The following HS1BP3 variants were observed in gnomAD, a reference collection of about 807,000 sequenced individuals.
HS1BP3 encodes the protein HCLS1 binding protein 3, also known as HCLS1-binding protein 3.
In HS1BP3, 32 loss-of-function variants were observed where a neutral mutation model predicts 33.5. That is an observed-to-expected ratio of 0.95 (90% confidence interval 0.72 to 1.28). The LOEUF (loss-of-function observed/expected upper bound fraction) is 1.28. HS1BP3 is among the 50% of genes most tolerant of loss of function. The pLI is 0.00. For missense variants in HS1BP3, 486 were observed against 502.3 expected (o/e 0.97, Z 0.31); for synonymous variants, 187 against 209.2 (o/e 0.89, Z 0.92).
chr2:20,596,448 G>C (rs1392886797), intron 3 of HS1BP3, among the ~76,000 whole-genome samples: 1 of 152,182 alleles, frequency 6.6e-6, no homozygotes, highest in African/African-American at 2.4e-5. Context: ...TTATAAAAGA[G>C]GCTCCAGGGA....
chr2:20,616,235 C>T (rs1290725370), downstream of HS1BP3, among the ~76,000 whole-genome samples: 2 of 152,210 alleles, frequency 1.3e-5, no homozygotes, highest in Non-Finnish European at 2.9e-5. Flanking sequence ...GACTCCAGCT[C>T]AATCTTAGCT....
intron 5 of HS1BP3, among the ~76,000 whole-genome samples, chr2:20,575,533 T>C (rs1309554317): frequency 6.6e-6 from 1 of 152,244 alleles, no homozygotes; most frequent in African/African-American, 2.4e-5. Flanking sequence ...CCACATATTT[T>C]AGACTCCCAA....
chr2:20,610,122 C>T (rs1026609097), intron 2 of HS1BP3, among the ~76,000 whole-genome samples: 26 of 152,144 alleles, frequency 1.7e-4, no homozygotes, highest in African/African-American at 4.8e-5. Context: ...CCCCACATGC[C>T]TCCTGCCCCC....
In HS1BP3 at chr2:20,566,538, G is replaced by A. The variant is rs538552737; in HGVS notation, c.303-6023C>T. ...CACCTGCACTCTGGCTCTAGCTCTA[G>A]GCACTTCTCTCTTGGCTGCAGTGAC... On this transcript the variant is annotated intron_variant, in intron 5 of 5. Coordinates refer to the HS1BP3 transcript ENST00000446825. 5.9e-5 allele frequency among the ~76,000 whole-genome samples: 9 copies of A among 152,260 alleles called. No homozygotes were observed. The South Asian group carries it at 1.9e-3, about 32-fold the overall frequency.
chr2:20,563,390 G>A (rs570552317), intron 5 of HS1BP3, among the ~76,000 whole-genome samples: 17 of 152,348 alleles, frequency 1.1e-4, no homozygotes, highest in Admixed American at 2.6e-4. Flanking sequence ...AACAGGGGTG[G>A]GGAGGAGGGA....
Position 20,606,661 on chromosome 2 carries a change from G to T in HS1BP3, c.179-8396C>A, listed in dbSNP as rs1008188016. 1.4e-5 allele frequency: 6 copies of T among 427,642 alleles called. No homozygotes were observed. The Admixed American group carries it at 1.6e-4, about 11-fold the overall frequency. The allele number at this position is 427,642 out of a possible 1,614,324, so 26.5% of individuals were successfully genotyped here. On this transcript the variant is annotated intron_variant, in intron 2 of 3. Coordinates refer to the HS1BP3 transcript ENST00000415264. The stretch of plus-strand genomic sequence containing the variant: ...TCTTGTCCTTGGGTGGCATTGCAAA[G>T]CTCAGAGAGCAGCGGTGAACGCTAC...
chr2:20,638,756 C>CTT, intron 3 of HS1BP3, 104 bp from the exon 4 acceptor site: 2 of 866,810 alleles, frequency 2.3e-6, no homozygotes, highest in Non-Finnish European at 3.6e-6. Flanking sequence ...AGGCCGAGGG[C>CTT]TTCCTGCAGC....
At chr2:20,560,577 A>G (rs539931624) in intron 5 of HS1BP3, 1 of 152,358 alleles carries the variant, frequency 6.6e-6, no homozygotes, top group South Asian at 2.1e-4. Context: ...GACCTCTACT[A>G]TGTTAGCATT....
chr2:20,568,637 C>G (rs1159943344), intron 5 of HS1BP3, among the ~76,000 whole-genome samples: 1 of 152,212 alleles, frequency 6.6e-6, no homozygotes, highest in African/African-American at 2.4e-5. Context: ...GCTGACACAT[C>G]TGCCTGTCTG....
At chr2:20,597,497 T>C (rs557302557) in intron 3 of HS1BP3, among the ~76,000 whole-genome samples, 39 of 152,216 alleles carry the variant, frequency 2.6e-4, no homozygotes, top group Admixed American at 2.0e-3. Context: ...AAAAGGAAGT[T>C]GATTTCCATG....
Position 20,638,582 on chromosome 2 carries a change from C to T in HS1BP3, c.477G>A (p.Gln159=). 6.2e-7 allele frequency: 1 copy of T among 1,614,230 alleles called. No homozygotes were observed. Among genetic ancestry groups the T allele is most frequent in the Non-Finnish European group, 8.5e-7 (1 of 1,180,042 alleles). The part of the protein sequence containing the change: ...DSSVLDGTDS[Q]TGNDEEAFDF... ...CGAAAGCCTCTTCATCATTCCCTGT[C>T]TGACTGTCTGTGCCATCCAGGACAG... The change falls in exon 4 of 7, where the codon CAG becomes CAA. Residue 159 remains glutamine, a synonymous_variant. Transcript: ENST00000304031.
chr2:20,598,011 G>T (rs1490759711), intron 3 of HS1BP3, among the ~76,000 whole-genome samples: 6 of 152,170 alleles, frequency 3.9e-5, no homozygotes, highest in Non-Finnish European at 8.8e-5. Flanking sequence ...GCAGCTAAAA[G>T]TTGGGGGTCA....
At chr2:20,649,352 A>G (rs560200642) in intron 1 of HS1BP3, among the ~76,000 whole-genome samples, 8 of 152,272 alleles carry the variant, frequency 5.3e-5, no homozygotes, top group Admixed American at 4.6e-4. Context: ...TCTCTCCCTC[A>G]TGGAGCTTGT....
At chr2:20,558,498 G>T (rs1692895293), downstream of HS1BP3, among the ~76,000 whole-genome samples, 1 of 152,188 alleles carries the variant, frequency 6.6e-6, no homozygotes, top group South Asian at 2.1e-4. Context: ...GTAGCTGACA[G>T]CCTTGGGCAA....
chr2:20,612,627 T>C lies in HS1BP3; in HGVS notation c.178+11269A>G, dbSNP rs115180115. Among the ~76,000 whole-genome samples the C allele has an allele frequency of 6.7e-3, 1,027 of 152,352 alleles. 16 individuals carry two copies. The highest frequency in any genetic ancestry group is 0.023 in the African/African-American group (977 of 41,576). On this transcript the variant is annotated intron_variant, in intron 2 of 3. Coordinates refer to the HS1BP3 transcript ENST00000415264. ...TGATGTATTTGAGGTAGATCCATAT[T>C]GCAGCATGTATCACTCCATTCGTTT...
chr2:20,649,750 G>A (rs900119661), intron 1 of HS1BP3, among the ~76,000 whole-genome samples: 2 of 152,208 alleles, frequency 1.3e-5, no homozygotes, highest in Admixed American at 6.5e-5. Context: ...CTGCAGGCAA[G>A]ATCCTTGGGT....
rs552017076 is a variant in HS1BP3, at chr2:20,572,378, G to A, written c.303-11863C>T. On this transcript the variant is annotated intron_variant, in intron 5 of 5. Transcript: ENST00000446825. The stretch of plus-strand genomic sequence containing the variant: ...ACAGAGACTTCTGACTCAGGTCTTC[G>A]TGTAGCCCCAGGACTCTGGAGTCCT... Among the ~76,000 whole-genome samples the A allele has an allele frequency of 1.5e-4, 23 of 152,290 alleles. No individual in the cohort carries two copies. In the East Asian group the frequency reaches 2.7e-3, roughly 18 times the overall value.
chr2:20,622,818 G>C (rs1694647971), intron 6 of HS1BP3: 2 of 169,566 alleles, frequency 1.2e-5, no homozygotes, highest in Non-Finnish European at 2.6e-5. Context: ...GGGATGTCAG[G>C]AGCGAGGACA....
chr2:20,575,174 T>C (rs928511117), intron 5 of HS1BP3, among the ~76,000 whole-genome samples: 11 of 152,250 alleles, frequency 7.2e-5, no homozygotes, highest in Non-Finnish European at 1.5e-4. Context: ...TTTGGAACAA[T>C]GGGCTCTGGA....
Sources: gnomAD v4.1 joint callset for allele counts (sites outside exome capture counted in the v4.1 genomes callset) on GRCh38, gnomAD v4.1.1 for gene constraint, MANE v1.5 for transcripts, NCBI Gene and HGNC (gene_info 2026-07-23, HGNC 2026-07-21) for gene names.